The following BSN variants were observed in gnomAD, a reference collection of about 807,000 sequenced individuals.
BSN encodes the protein protein bassoon.
A neutral mutation model predicts 264.8 loss-of-function variants in BSN; 57 were observed. The ratio of observed to expected loss-of-function variants is 0.22; its 90% confidence interval spans 0.17 to 0.27. BSN has a LOEUF of 0.27. BSN is among the 10% of genes least tolerant of loss of function. BSN has a pLI of 1.00. For synonymous variants in BSN, 2,059 were observed against 2,137.3 expected (o/e 0.96, Z 1.01); for missense variants, 4,615 against 5,232.5 (o/e 0.88, Z 3.64).
chr3:49,651,148 C>G lies in BSN; in HGVS notation c.1986+69C>G. 6.8e-7 allele frequency: 1 copy of G among 1,474,278 alleles called. No individual in the cohort carries two copies. Among genetic ancestry groups the G allele is most frequent in the East Asian group, 2.4e-5 (1 of 42,206 alleles). 91.3% of individuals were successfully genotyped at this position (1,474,278 alleles called of 1,614,324 possible). A position where few individuals can be genotyped will look rare whatever the true frequency, so the allele number is the denominator to read the frequency against. On this transcript the variant is annotated intron_variant, in intron 4 of 11. Coordinates refer to ENST00000296452, the MANE Select transcript of BSN (RefSeq NM_003458.4). This position sits in a 1 kb window ranked among gnomAD's most constrained non-coding sequence, Gnocchi z 5.4. ...ACAGTCTATGGAAAGGCTTGCCTCC[C>G]TGGGTGGCTGAGGCTGTAGGCTCAG...
chr3:49,649,779 G>A (rs1039650431), intron 3 of BSN, among the ~76,000 whole-genome samples: 1 of 152,204 alleles, frequency 6.6e-6, no homozygotes, highest in Admixed American at 6.5e-5. Flanking sequence ...GCTGTCTTCA[G>A]CCCCCAGCAC....
Position 49,661,055 on chromosome 3 carries a change from A to C in BSN, c.9210A>C (p.Pro3070=), listed in dbSNP as rs967485768. 35 of 1,611,618 alleles carry C rather than the reference A, an allele frequency of 2.2e-5. No homozygotes were observed. The highest frequency in any genetic ancestry group is 2.7e-5 in the Non-Finnish European group (32 of 1,179,860). ...AGTATTCTGCAGGCAGTGGTGGGCC[A>C]ACTCAGAACGGATTCCCAGCCCACC... ...APQYSAGSGG[P]TQNGFPAHQA... Residue 3070 remains proline (P), a synonymous_variant, in exon 6 of 12, where the codon CCA becomes CCC. Coordinates refer to ENST00000296452, the MANE Select transcript of BSN (RefSeq NM_003458.4).
chr3:49,586,326 C>CTCTATCTATCTATCTA (rs59036596), intron 1 of BSN, among the ~76,000 whole-genome samples: 2,730 of 149,598 alleles, frequency 0.018, 42 homozygotes, highest in Middle Eastern at 0.024. Flanking sequence ...GTTTTCCCAG[C>CTCTATCTATCTATCTA]TCTATCTATC....
chr3:49,662,572 G>T lies in BSN; in HGVS notation c.10717+10G>T, dbSNP rs768379646. On this transcript the variant is annotated intron_variant, in intron 6 of 11. Transcript: ENST00000296452. ...GTTTCCGACAGCGAAGGTAATGGCA[G>T]CCAGGGGTGATTTCTGCGGATACTC... The T allele has an allele frequency of 1.3e-6, 2 of 1,573,172 alleles. No homozygotes were observed. The highest frequency in any genetic ancestry group is 2.4e-5 in the South Asian group (2 of 84,378).
chr3:49,647,099 C>T (rs947026883), intron 3 of BSN, among the ~76,000 whole-genome samples: 1 of 152,208 alleles, frequency 6.6e-6, no homozygotes, highest in African/African-American at 2.4e-5. Context: ...TTGACTGGAA[C>T]GGTGTCACCA....
intron 1 of BSN, among the ~76,000 whole-genome samples, chr3:49,613,348 G>GAGAGAGA (rs1448553549): frequency 6.7e-6 from 1 of 148,796 alleles, no homozygotes; most frequent in South Asian, 2.1e-4. Context: ...GAGAGAGAGA[G>GAGAGAGA]AAGGGCTGGC....
chr3:49,554,829 A>G lies in BSN; in HGVS notation c.224+3A>G. The G allele has an allele frequency of 8.7e-7, 1 of 1,155,412 alleles. No individual in the cohort carries two copies. The highest frequency in any genetic ancestry group is 1.1e-6 in the Non-Finnish European group (1 of 940,832). 71.6% of individuals were successfully genotyped at this position (1,155,412 alleles called of 1,614,324 possible). ...GGTCCCGGCCCTGGCCCGGGCAGGT[A>G]AGCGCGTGTCTCGGCGCCCGGGGGG... On this transcript the variant is annotated splice_donor_region_variant and intron_variant, in intron 1 of 11. Coordinates refer to ENST00000296452, the MANE Select transcript of BSN (RefSeq NM_003458.4).
intron 1 of BSN, among the ~76,000 whole-genome samples, chr3:49,605,304 T>C (rs2052104337): frequency 1.0e-5 from 1 of 98,662 alleles, no homozygotes; most frequent in Non-Finnish European, 1.9e-5. Context: ...TTATATATTA[T>C]ATATTATATT....
intron 1 of BSN, among the ~76,000 whole-genome samples, chr3:49,556,464 C>T (rs538197652): frequency 1.1e-3 from 172 of 152,284 alleles, no homozygotes; most frequent in Non-Finnish European, 1.6e-3. Flanking sequence ...GTGGGTGAGG[C>T]GAACCACGGA....
chr3:49,630,025 G>A (rs1009027399), intron 2 of BSN, among the ~76,000 whole-genome samples: 4 of 152,252 alleles, frequency 2.6e-5, no homozygotes, highest in African/African-American at 7.2e-5. Context: ...CAGTGGCTCC[G>A]AGCCTCTCTC....
intron 1 of BSN, among the ~76,000 whole-genome samples, chr3:49,572,543 C>CT (rs1270533343): frequency 3.3e-5 from 5 of 151,970 alleles, no homozygotes; most frequent in African/African-American, 9.7e-5. Flanking sequence ...TACTTTCTTT[C>CT]TTTTTTTTGA....
chr3:49,664,953 T>A, intron 10 of BSN, 100 bp downstream of exon 10: 1 of 898,764 alleles, frequency 1.1e-6, no homozygotes, highest in South Asian at 1.4e-5. Flanking sequence ...CTGGGAGGAG[T>A]CCAGTCTTCG....
At chr3:49,574,227 CA>C (rs33999608) in intron 1 of BSN, among the ~76,000 whole-genome samples, 44,816 of 150,940 alleles carry the variant, frequency 0.3, 7,167 homozygotes, top group Middle Eastern at 0.32. Context: ...CTCAGCCTCC[CA>C]AAGTTTTGGG....
Position 49,661,153 on chromosome 3 carries a change from A to AGCCT in BSN, c.9310_9313dup (p.Gly3105AlafsTer34), listed in dbSNP as rs1418108596. The stretch of plus-strand genomic sequence containing the variant: ...CCTCCTGGTGCCAGTTACCCAGCTG[A>AGCCT]GCCTGGCCTGCCAAACCAGCAGGCT... On this transcript the variant is annotated frameshift_variant, in exon 6 of 12. Transcript: ENST00000296452. LOFTEE classifies it high-confidence loss of function. 6.2e-7 allele frequency: 1 copy of AGCCT among 1,612,574 alleles called. No individual in the cohort carries two copies.
intron 1 of BSN, among the ~76,000 whole-genome samples, chr3:49,565,106 A>G (rs569221280): frequency 1.4e-3 from 199 of 143,642 alleles, no homozygotes; most frequent in African/African-American, 5.1e-3. Context: ...TGTTTTATCT[A>G]TATTCCTCCA....
chr3:49,565,153 T>TC (rs981803550), intron 1 of BSN, among the ~76,000 whole-genome samples: 1 of 141,442 alleles, frequency 7.1e-6, no homozygotes, highest in African/African-American at 2.6e-5. Context: ...TCTTTTTTTT[T>TC]TTTTTTTTTT....
rs904662509 is a variant in BSN, at chr3:49,585,011, G to T, written c.224+30185G>T. The stretch of plus-strand genomic sequence containing the variant: ...CTGAGTAGTACTCCACTGTATATAC[G>T]TGCCACATTTTCTTTATCCATTCAG... On this transcript the variant is annotated intron_variant, in intron 1 of 11. Transcript: ENST00000296452. The surrounding 1 kb of genome is among the most constrained non-coding windows in gnomAD (Gnocchi z 4.7). Among the ~76,000 whole-genome samples, 1 of 152,014 alleles carries T rather than the reference G, an allele frequency of 6.6e-6. No homozygotes were observed. The highest frequency in any genetic ancestry group is 6.6e-5 in the Admixed American group (1 of 15,254).
chr3:49,600,608 A>G (rs1201423944), intron 1 of BSN, among the ~76,000 whole-genome samples: 1 of 152,126 alleles, frequency 6.6e-6, no homozygotes, highest in Non-Finnish European at 1.5e-5. Flanking sequence ...CATAGGCAAC[A>G]CAGTAAGACC....
chr3:49,637,025 A>G (rs9862080), intron 2 of BSN, among the ~76,000 whole-genome samples: 43,605 of 152,208 alleles, frequency 0.29, 6,756 homozygotes, highest in Middle Eastern at 0.31. Context: ...GGGCCCTCCC[A>G]GGAACCTCTA....
Sources: allele counts gnomAD v4.1 joint callset (sites outside exome capture counted in the v4.1 genomes callset), GRCh38; gene constraint gnomAD v4.1.1; non-coding constraint Gnocchi (gnomAD v3.1); transcripts MANE v1.5; gene names NCBI Gene and HGNC (gene_info 2026-07-23, HGNC 2026-07-21).